ZC2HC1B: variants seen among roughly 807,000 people sequenced by gnomAD.
ZC2HC1B encodes zinc finger C2HC domain-containing protein 1B.
ZC2HC1B carries 36 observed loss-of-function variants against 31.0 expected under a neutral mutation model. The observed-to-expected ratio is 1.16, with a 90% CI of 0.89 to 1.54. ZC2HC1B has a LOEUF of 1.54. Among genes scored for constraint, ZC2HC1B ranks in the 40% most tolerant of loss-of-function variants. The probability of loss-of-function intolerance (pLI) is 0.00; values close to 1 mark genes in which losing one functional copy is unlikely to be tolerated. For missense variants in ZC2HC1B, 260 were observed against 268.6 expected (o/e 0.97, Z 0.22); for synonymous variants, 73 against 88.0 (o/e 0.83, Z 0.95).
At chr6:143,902,459 A>T (rs956846975) in intron 5 of ZC2HC1B, among the ~76,000 whole-genome samples, 7 of 152,128 alleles carry the variant, frequency 4.6e-5, no homozygotes, top group Non-Finnish European at 1.0e-4. Flanking sequence ...GTAACAGGTT[A>T]TCTTTATCCT....
At position 143,905,123 on chromosome 6, in the gene ZC2HC1B, C is replaced by T. The variant is rs759847504; in HGVS notation, c.598+1971C>T. Among the ~76,000 whole-genome samples, 5 of 152,102 alleles carry T rather than the reference C, an allele frequency of 3.3e-5. No individual in the cohort carries two copies. The highest frequency in any genetic ancestry group is 5.9e-5 in the Non-Finnish European group (4 of 68,028). ...CAAGAAACATCATTGAGATTTTAACCGTGATTGCACTGAATCTGCAGATTG... is the reference window on the plus strand; with the variant it reads ...CAAGAAACATCATTGAGATTTTAACTGTGATTGCACTGAATCTGCAGATTG... On this transcript the variant is annotated intron_variant, in intron 6 of 7. Transcript: ENST00000237275. The surrounding 1 kb of genome is among the most constrained non-coding windows in gnomAD (Gnocchi z 4.2).
At chr6:143,878,617 T>C (rs1283404652) in intron 1 of ZC2HC1B, among the ~76,000 whole-genome samples, 1 of 150,668 alleles carries the variant, frequency 6.6e-6, no homozygotes, top group Non-Finnish European at 1.5e-5. Flanking sequence ...ACAGCACTAT[T>C]GGCATGAGTT....
chr6:143,904,841 C>T (rs148970650), intron 6 of ZC2HC1B, among the ~76,000 whole-genome samples: 285 of 152,326 alleles, frequency 1.9e-3, no homozygotes, highest in Admixed American at 2.8e-3. Context: ...CCAGTTTCCC[C>T]ATTCAACCAA....
intron 6 of ZC2HC1B, among the ~76,000 whole-genome samples, chr6:143,906,926 C>G (rs1351134057): frequency 6.6e-6 from 1 of 152,004 alleles, no homozygotes; most frequent in Admixed American, 6.6e-5. Flanking sequence ...TCATGCTCTC[C>G]CTCCTTCCCC....
intron 6 of ZC2HC1B, among the ~76,000 whole-genome samples, chr6:143,927,797 ATC>A (rs1049264732): frequency 3.9e-5 from 6 of 152,336 alleles, no homozygotes; most frequent in Admixed American, 3.3e-4. Flanking sequence ...CTTTGCCAAC[ATC>A]TGTTATTTTT....
In ZC2HC1B at chr6:143,895,320, G is replaced by A. The variant is rs948435693; in HGVS notation, c.350-3232G>A. Reference sequence around the variant, plus strand: ...TGGGATTACAGGCGCCCGCCACCACGCCCAGCTGATTTCTGTATTTTTAGT... The same window carrying A: ...TGGGATTACAGGCGCCCGCCACCACACCCAGCTGATTTCTGTATTTTTAGT... On this transcript the variant is annotated intron_variant, in intron 4 of 7. Transcript: ENST00000237275. This position sits in a 1 kb window ranked among gnomAD's most constrained non-coding sequence, Gnocchi z 4.8. Among the ~76,000 whole-genome samples the A allele has an allele frequency of 6.6e-6, 1 of 151,968 alleles. No individual in the cohort carries two copies. Among genetic ancestry groups the A allele is most frequent in the African/African-American group, 2.4e-5 (1 of 41,360 alleles).
At chr6:143,876,251 A>C (rs1328652450) in intron 1 of ZC2HC1B, among the ~76,000 whole-genome samples, 1 of 149,962 alleles carries the variant, frequency 6.7e-6, no homozygotes, top group Non-Finnish European at 1.5e-5. Flanking sequence ...TTCTTTCATT[A>C]CTCTGTCCCC....
At chr6:143,937,221 CT>C (rs1184733285) in intron 6 of ZC2HC1B, among the ~76,000 whole-genome samples, 11 of 152,008 alleles carry the variant, frequency 7.2e-5, no homozygotes, top group Non-Finnish European at 1.6e-4. Context: ...GTAGATAACC[CT>C]AAGCAGGGAA....
chr6:143,906,957 T>C (rs1481760692), intron 6 of ZC2HC1B, among the ~76,000 whole-genome samples: 2 of 152,078 alleles, frequency 1.3e-5, no homozygotes, highest in East Asian at 1.9e-4. Context: ...GCAGGCCCCA[T>C]TGTGTGTTGT....
At position 143,915,319 on chromosome 6, in the gene ZC2HC1B, G is replaced by A. The variant is rs2128496374; in HGVS notation, c.598+12167G>A. On this transcript the variant is annotated intron_variant, in intron 6 of 7. Coordinates refer to ENST00000237275, the MANE Select transcript of ZC2HC1B (RefSeq NM_001013623.3). This position sits in a 1 kb window ranked among gnomAD's most constrained non-coding sequence, Gnocchi z 5.2. ...GCCTTTCACCTTCCACCATGATTGT[G>A]TGGCCTTCCCAGCCATGTGGAACTG... Among the ~76,000 whole-genome samples, 1 of 152,326 alleles carries A rather than the reference G, an allele frequency of 6.6e-6. No homozygotes were observed. The highest frequency in any genetic ancestry group is 2.1e-4 in the South Asian group (1 of 4,828).
rs183151261 is a variant in ZC2HC1B, at chr6:143,878,940, C to T, written c.29-5364C>T. On this transcript the variant is annotated intron_variant, in intron 1 of 7. Coordinates refer to ENST00000237275, the MANE Select transcript of ZC2HC1B (RefSeq NM_001013623.3). ...CTAATGCACAGACTGCATATTTTTT[C>T]CTTTCCAGAAAGTAGAATCACCTAG... 8.5e-5 allele frequency among the ~76,000 whole-genome samples: 13 copies of T among 152,228 alleles called. No individual in the cohort carries two copies. In the East Asian group the frequency reaches 2.3e-3, roughly 27 times the overall value.
At position 143,883,846 on chromosome 6, in the gene ZC2HC1B, AC is replaced by A. The variant is rs1166409729; in HGVS notation, c.29-456del. On this transcript the variant is annotated intron_variant, in intron 1 of 7. Coordinates refer to ENST00000237275, the MANE Select transcript of ZC2HC1B (RefSeq NM_001013623.3). The surrounding 1 kb of genome is among the most constrained non-coding windows in gnomAD (Gnocchi z 4.1). ...TGCTTGGCCCATGCATTCAACCAATACCTTGAGTACCTTACTATGGGTCAAG... is the reference window on the plus strand; with the variant it reads ...TGCTTGGCCCATGCATTCAACCAATACTTGAGTACCTTACTATGGGTCAAG... Among the ~76,000 whole-genome samples the A allele has an allele frequency of 2.0e-5, 3 of 152,270 alleles. No homozygotes were observed. The highest frequency in any genetic ancestry group is 7.2e-5 in the African/African-American group (3 of 41,536).
At chr6:143,877,977 G>C (rs988983226) in intron 1 of ZC2HC1B, among the ~76,000 whole-genome samples, 1 of 150,720 alleles carries the variant, frequency 6.6e-6, no homozygotes, top group Non-Finnish European at 1.5e-5. Context: ...TTAATCACTA[G>C]ATTGTATATA....
Position 143,887,605 on chromosome 6 carries a change from C to T in ZC2HC1B, c.349+784C>T, listed in dbSNP as rs559179934. On this transcript the variant is annotated intron_variant, in intron 4 of 7. Coordinates refer to ENST00000237275, the MANE Select transcript of ZC2HC1B (RefSeq NM_001013623.3). The surrounding 1 kb of genome is among the most constrained non-coding windows in gnomAD (Gnocchi z 5.1). ...GTTTACATATTACCTTTTGTTATCT[C>T]TTCGGTCTTTATTAAATCTTGAACA... Among the ~76,000 whole-genome samples the T allele has an allele frequency of 3.9e-5, 6 of 152,240 alleles. No homozygotes were observed. In the South Asian group the frequency reaches 1.2e-3, roughly 32 times the overall value.
Position 143,934,590 on chromosome 6 carries a change from G to C in ZC2HC1B, c.599-3059G>C, listed in dbSNP as rs1394880774. 6.6e-6 allele frequency among the ~76,000 whole-genome samples: 1 copy of C among 152,060 alleles called. No individual in the cohort carries two copies. Among genetic ancestry groups the C allele is most frequent in the African/African-American group, 2.4e-5 (1 of 41,392 alleles). ...AGTCACTTCTTCCAATTTTTGAATTGGCCTTCATAGGAAAGACTTCTTCCT... is the reference window on the plus strand; with the variant it reads ...AGTCACTTCTTCCAATTTTTGAATTCGCCTTCATAGGAAAGACTTCTTCCT... On this transcript the variant is annotated intron_variant, in intron 6 of 7. Coordinates refer to ENST00000237275, the MANE Select transcript of ZC2HC1B (RefSeq NM_001013623.3). This position sits in a 1 kb window ranked among gnomAD's most constrained non-coding sequence, Gnocchi z 4.6.
chr6:143,882,332 T>TATATATATATATA (rs1554237224), intron 1 of ZC2HC1B, among the ~76,000 whole-genome samples: 3 of 67,386 alleles, frequency 4.5e-5, no homozygotes, highest in African/African-American at 7.9e-5. Context: ...ATTTTATATT[T>TATATATATATATA]TTTATATATA....
intron 6 of ZC2HC1B, among the ~76,000 whole-genome samples, chr6:143,935,009 A>G (rs150950803): frequency 4.2e-4 from 64 of 152,204 alleles, no homozygotes; most frequent in African/African-American, 1.5e-3. Context: ...TGCCAATAAC[A>G]TTGATGGTGG....
At chr6:143,916,352 AGGGGT>A (rs1777916322) in intron 6 of ZC2HC1B, among the ~76,000 whole-genome samples, 1 of 152,216 alleles carries the variant, frequency 6.6e-6, no homozygotes, top group Non-Finnish European at 1.5e-5. Flanking sequence ...AGTTTGCTGC[AGGGGT>A]GGGGCCCTCA....
rs1777951059 is a variant in ZC2HC1B at position 143,918,857 on chromosome 6, T to C, written c.598+15705T>C. 6.6e-6 allele frequency among the ~76,000 whole-genome samples: 1 copy of C among 152,230 alleles called. No individual in the cohort carries two copies. Among genetic ancestry groups the C allele is most frequent in the Non-Finnish European group, 1.5e-5 (1 of 68,044 alleles). Reference sequence around the variant, plus strand: ...TTCTTGAATCCTACTAGTAAAGTTTTCATTTCATTTATTCTATTTTTCAGT... The same window carrying C: ...TTCTTGAATCCTACTAGTAAAGTTTCCATTTCATTTATTCTATTTTTCAGT... On this transcript the variant is annotated intron_variant, in intron 6 of 7. Transcript: ENST00000237275. This position sits in a 1 kb window ranked among gnomAD's most constrained non-coding sequence, Gnocchi z 4.1.
Sources: gnomAD v4.1 joint callset for allele counts (sites outside exome capture counted in the v4.1 genomes callset) on GRCh38, gnomAD v4.1.1 for gene constraint, Gnocchi (gnomAD v3.1) non-coding constraint, MANE v1.5 for transcripts, NCBI Gene and HGNC (gene_info 2026-07-23, HGNC 2026-07-21) for gene names.